The following AFDN variants were observed in gnomAD, a reference collection of about 807,000 sequenced individuals.
AFDN encodes the protein afadin, adherens junction formation factor.
AFDN carries 68 observed loss-of-function variants against 216.6 expected under a neutral mutation model. The ratio of observed to expected loss-of-function variants is 0.31; its 90% CI spans 0.26 to 0.38. The LOEUF (loss-of-function observed/expected upper bound fraction) is 0.38. Among genes scored for constraint, AFDN ranks in the 10% least tolerant of loss-of-function variants. The pLI, the probability that AFDN is intolerant of heterozygous loss-of-function variation, is 1.00. For synonymous variants in AFDN, 868 were observed against 853.7 expected (o/e 1.02, Z -0.29); for missense variants, 2,136 against 2,342.0 (o/e 0.91, Z 1.82).
intron 12 of AFDN, 74 bp from the exon 13 acceptor site, chr6:167,907,097 G>A: frequency 9.1e-7 from 1 of 1,100,768 alleles, no homozygotes; most frequent in South Asian, 1.4e-5. Context: ...TCAGATCTCT[G>A]CTTGCAACGC....
Position 167,893,851 on chromosome 6 carries a change from C to CT in AFDN, c.1178-9dup, listed in dbSNP as rs1562623896. 3.8e-6 allele frequency: 6 copies of CT among 1,581,752 alleles called. No homozygotes were observed. Among genetic ancestry groups the CT allele is most frequent in the Non-Finnish European group, 5.2e-6 (6 of 1,161,636 alleles). On this transcript the variant is annotated splice_polypyrimidine_tract_variant and intron_variant, in intron 8 of 33. Coordinates refer to ENST00000683244, the MANE Select transcript of AFDN (RefSeq NM_001386888.1). The stretch of plus-strand genomic sequence containing the variant: ...CCTTCACCTGGGTCCTGGCATGTGT[C>CT]TTAACCCCAGGGAGAAGGAATCACT...
rs1171495144 is a variant in AFDN at position 167,827,207 on chromosome 6, G to T, written c.75G>T (p.Leu25=). 7.9e-7 allele frequency: 1 copy of T among 1,267,248 alleles called. No homozygotes were observed. The highest frequency in any genetic ancestry group is 1.4e-5 in the South Asian group (1 of 73,096). The allele number at this position is 1,267,248 out of a possible 1,614,324, so 78.5% of individuals were successfully genotyped here. A position where few individuals can be genotyped will look rare whatever the true frequency, so the allele number is the denominator to read the frequency against. Residue 25 remains leucine, a synonymous_variant, in exon 1 of 34, where the codon CTG becomes CTT. Coordinates refer to ENST00000683244, the MANE Select transcript of AFDN (RefSeq NM_001386888.1). ...TCCACCACTGGAACGCCAACCGGCTGGACCTGTTCGAGATCAGCCAGCCGA... is the reference window on the plus strand; with the variant it reads ...TCCACCACTGGAACGCCAACCGGCTTGACCTGTTCGAGATCAGCCAGCCGA... The part of the protein sequence containing the change: ...DIIHHWNANR[L]DLFEISQPTE...
chr6:167,904,495 C>G (rs571401363), intron 12 of AFDN, among the ~76,000 whole-genome samples: 1 of 152,266 alleles, frequency 6.6e-6, no homozygotes, highest in Non-Finnish European at 1.5e-5. Flanking sequence ...CAGGTGTAAG[C>G]CACTGCACCC....
chr6:167,948,607 G>A, intron 29 of AFDN, 129 bp downstream of exon 29: 1 of 897,910 alleles, frequency 1.1e-6, no homozygotes. Context: ...TGGTTTTGTG[G>A]TTAAGTTTGA....
At chr6:167,902,020 G>A (rs1424813205) in intron 11 of AFDN, among the ~76,000 whole-genome samples, 2 of 150,666 alleles carry the variant, frequency 1.3e-5, no homozygotes, top group Non-Finnish European at 2.9e-5. Context: ...TTGAACTGAG[G>A]AGGCAGAGGT....
At chr6:167,887,011 T>C (rs1583284945) in intron 6 of AFDN, among the ~76,000 whole-genome samples, 1 of 32,864 alleles carries the variant, frequency 3.0e-5, no homozygotes, top group African/African-American at 9.7e-5. Flanking sequence ...CGAGACTGTA[T>C]CAAAAAAAAA....
intron 23 of AFDN, among the ~76,000 whole-genome samples, chr6:167,927,189 G>A (rs542493453): frequency 8.0e-4 from 122 of 152,244 alleles, no homozygotes; most frequent in Non-Finnish European, 1.6e-3. Context: ...ATGAATGGGC[G>A]TTGTAGCGGT....
At chr6:167,853,043 A>G (rs148847873) in intron 1 of AFDN, among the ~76,000 whole-genome samples, 5 of 152,158 alleles carry the variant, frequency 3.3e-5, no homozygotes, top group African/African-American at 1.2e-4. Flanking sequence ...GGTATTTAAG[A>G]GACTACAGTC....
chr6:167,867,395 A>G (rs539224026), intron 2 of AFDN, among the ~76,000 whole-genome samples: 8 of 143,702 alleles, frequency 5.6e-5, no homozygotes, highest in South Asian at 2.3e-4. Flanking sequence ...TAGCATTTCT[A>G]TTGTTTCTAT....
chr6:167,828,939 A>G (rs1779525286), intron 1 of AFDN, among the ~76,000 whole-genome samples: 1 of 152,078 alleles, frequency 6.6e-6, no homozygotes, highest in South Asian at 2.1e-4. Flanking sequence ...TATTTTAAGC[A>G]CTCAATTGAA....
intron 6 of AFDN, among the ~76,000 whole-genome samples, chr6:167,887,443 CT>C (rs1233534960): frequency 0.03 from 3,820 of 126,064 alleles, 50 homozygotes; most frequent in Non-Finnish European, 0.038. Flanking sequence ...CTCAGCTTGC[CT>C]TTTTTTTTTT....
At chr6:167,961,179 G>A (rs1797001132) in intron 30 of AFDN, among the ~76,000 whole-genome samples, 2 of 152,128 alleles carry the variant, frequency 1.3e-5, no homozygotes, top group African/African-American at 2.4e-5. Flanking sequence ...ATTGAAGCAC[G>A]TAGGAATTTT....
chr6:167,949,569 G>A lies in AFDN; in HGVS notation c.3831+1091G>A, dbSNP rs575682320. ...CTAGGTGGGCCTGATCACCTGCAAC[G>A]GCCCAGTCTTGGGAGTTTTGGATGC... On this transcript the variant is annotated intron_variant, in intron 29 of 33. Transcript: ENST00000683244. Among the ~76,000 whole-genome samples, 4 of 152,290 alleles carry A rather than the reference G, an allele frequency of 2.6e-5. No homozygotes were observed. The South Asian group carries it at 6.2e-4, about 24-fold the overall frequency.
intron 11 of AFDN, among the ~76,000 whole-genome samples, chr6:167,901,684 C>T (rs983719269): frequency 3.9e-5 from 6 of 152,102 alleles, no homozygotes; most frequent in Non-Finnish European, 8.8e-5. Context: ...ATAAATAGGG[C>T]CGCCGGCACT....
chr6:167,911,740 G>A (rs1464770893), intron 15 of AFDN: 2 of 483,914 alleles, frequency 4.1e-6, no homozygotes, highest in Admixed American at 6.6e-5. Flanking sequence ...GTGAGAAAGT[G>A]CTGAGACTGT....
At chr6:167,924,934 C>A in intron 22 of AFDN, 71 bp from the exon 23 acceptor site, 1 of 1,044,508 alleles carries the variant, frequency 9.6e-7, no homozygotes, top group South Asian at 1.3e-5. Flanking sequence ...TTGACTAGAT[C>A]ATGAGTTGTC....
At chr6:167,876,138 A>G (rs749322177) in intron 5 of AFDN, among the ~76,000 whole-genome samples, 2 of 152,044 alleles carry the variant, frequency 1.3e-5, no homozygotes, top group South Asian at 2.1e-4. Context: ...TCAGGACTCT[A>G]TTTCTCCTGA....
chr6:167,854,685 T>C (rs1482613988), intron 1 of AFDN, among the ~76,000 whole-genome samples: 1 of 151,708 alleles, frequency 6.6e-6, no homozygotes, highest in Non-Finnish European at 1.5e-5. Flanking sequence ...CTTCGTCTTT[T>C]CCACACTGAT....
rs1202911297 is a variant in AFDN at position 167,937,736 on chromosome 6, G to T, written c.3100-5393G>T. On this transcript the variant is annotated intron_variant, in intron 23 of 33. Transcript: ENST00000683244. Reference sequence around the variant, plus strand: ...GGATTTGAGTTCCCTTCCTAAAAGGGCACATTGGGTGCCAGAGCCTGAAGT... The same window carrying T: ...GGATTTGAGTTCCCTTCCTAAAAGGTCACATTGGGTGCCAGAGCCTGAAGT... Among the ~76,000 whole-genome samples the T allele has an allele frequency of 2.6e-5, 4 of 152,178 alleles. No individual in the cohort carries two copies. The East Asian group carries it at 5.8e-4, about 22-fold the overall frequency.
Sources: gnomAD v4.1 joint callset for allele counts (sites outside exome capture counted in the v4.1 genomes callset) on GRCh38, gnomAD v4.1.1 for gene constraint, MANE v1.5 for transcripts, NCBI Gene and HGNC (gene_info 2026-07-23, HGNC 2026-07-21) for gene names.